TUSC3: variants seen among roughly 807,000 people sequenced by gnomAD.
TUSC3 encodes tumor suppressor candidate 3.
In TUSC3, 45 loss-of-function variants were observed where a neutral mutation model predicts 44.8. That is an observed-to-expected ratio of 1.00 (90% CI 0.79 to 1.29). The LOEUF is 1.29. TUSC3 is among the 50% of genes most tolerant of loss of function. TUSC3 has a pLI of 0.00. For synonymous variants in TUSC3, 212 were observed against 152.9 expected (o/e 1.39, Z -2.85); for missense variants, 519 against 437.9 (o/e 1.19, Z -1.65).
intron 6 of TUSC3, among the ~76,000 whole-genome samples, chr8:15,694,165 G>C: frequency 6.6e-6 from 1 of 152,036 alleles, no homozygotes; most frequent in South Asian, 2.1e-4. Flanking sequence ...CATGTTGGCC[G>C]GGCACAGTGG....
chr8:15,610,821 G>C (rs1469164865), intron 1 of TUSC3, among the ~76,000 whole-genome samples: 2 of 152,128 alleles, frequency 1.3e-5, no homozygotes, highest in Non-Finnish European at 2.9e-5. Flanking sequence ...AGCCACCAGT[G>C]TTCAGGATGC....
chr8:15,822,536 C>G, the TUSC3 span, among the ~76,000 whole-genome samples: 1 of 152,094 alleles, frequency 6.6e-6, no homozygotes, highest in East Asian at 1.9e-4. Flanking sequence ...GTTTCCAGGT[C>G]TTGCTGATGC....
At chr8:15,494,400 C>G (rs1167227656) in intron 2 of TUSC3, among the ~76,000 whole-genome samples, 1 of 151,662 alleles carries the variant, frequency 6.6e-6, no homozygotes, top group Non-Finnish European at 1.5e-5. Flanking sequence ...TCACTGCAGC[C>G]TCTGCCTCCC....
intron 9 of TUSC3, among the ~76,000 whole-genome samples, chr8:15,757,259 T>G (rs1462572400): frequency 6.6e-6 from 1 of 152,156 alleles, no homozygotes. Context: ...TTCCATTGTC[T>G]TAAAACGAAA....
At chr8:15,762,443 C>G (rs1421565527) in intron 10 of TUSC3, among the ~76,000 whole-genome samples, 1 of 151,962 alleles carries the variant, frequency 6.6e-6, no homozygotes, top group Non-Finnish European at 1.5e-5. Flanking sequence ...AAAGTACTCA[C>G]AGAGATCCTT....
the TUSC3 span, among the ~76,000 whole-genome samples, chr8:15,773,916 A>G: frequency 6.6e-6 from 1 of 152,210 alleles, no homozygotes; most frequent in Non-Finnish European, 1.5e-5. Context: ...TGGATCAACG[A>G]TGTAAACTTA....
In TUSC3 at chr8:15,561,359, G is replaced by A. The variant is rs1345543407; in HGVS notation, c.138+20791G>A. Among the ~76,000 whole-genome samples, 129 of 143,806 alleles carry A rather than the reference G, an allele frequency of 9.0e-4. 3 individuals are homozygous for A. The highest frequency in any genetic ancestry group is 3.4e-3 in the East Asian group (16 of 4,740). 94.3% of individuals were successfully genotyped at this position (143,806 alleles called of 152,430 possible). On this transcript the variant is annotated intron_variant, in intron 1 of 10. Transcript: ENST00000503731. The stretch of plus-strand genomic sequence containing the variant: ...ACCCACTTGAGGAGGCAGTCTGCCA[G>A]TTCTCAGATCTCCAGCTGCGTGCTG...
intron 1 of TUSC3, among the ~76,000 whole-genome samples, chr8:15,613,567 C>A (rs567484177): frequency 2.5e-4 from 38 of 152,212 alleles, no homozygotes; most frequent in African/African-American, 8.9e-4. Context: ...TAAGATGTCC[C>A]TTTGCTGTTC....
At chr8:15,446,909 A>AT (rs1800112485) in intron 1 of TUSC3, among the ~76,000 whole-genome samples, 1 of 51,634 alleles carries the variant, frequency 1.9e-5, no homozygotes, top group Non-Finnish European at 6.2e-5. Context: ...AGAAAAAAAA[A>AT]CAAAGGAGGT....
At chr8:15,844,994 C>A in the TUSC3 span, among the ~76,000 whole-genome samples, 1 of 151,984 alleles carries the variant, frequency 6.6e-6, no homozygotes, top group Non-Finnish European at 1.5e-5. Flanking sequence ...TAAAAAAATA[C>A]AATAGAAACA....
At chr8:15,711,003 T>C (rs979866778) in intron 6 of TUSC3, among the ~76,000 whole-genome samples, 1 of 151,328 alleles carries the variant, frequency 6.6e-6, no homozygotes, top group Non-Finnish European at 1.5e-5. Flanking sequence ...CCCTCAAGGG[T>C]TTCCTGAGTC....
chr8:15,646,641 T>C lies in TUSC3; in HGVS notation c.309-4056T>C, dbSNP rs80024950. Among the ~76,000 whole-genome samples the C allele has an allele frequency of 8.0e-3, 1,211 of 152,160 alleles. 10 individuals are homozygous for C. The highest frequency in any genetic ancestry group is 0.027 in the African/African-American group (1,126 of 41,556). ...TATTTAACCCTCTTAAAACATAATA[T>C]TTTAATCAAAACAATGTTATGTGCT... On this transcript the variant is annotated intron_variant, in intron 2 of 10. Transcript: ENST00000503731.
intron 1 of TUSC3, among the ~76,000 whole-genome samples, chr8:15,439,919 T>C (rs1799998514): frequency 6.6e-6 from 1 of 152,204 alleles, no homozygotes; most frequent in Non-Finnish European, 1.5e-5. Flanking sequence ...TTCTTACAAG[T>C]AATGCAACAG....
At chr8:15,497,676 C>T (rs112942229) in intron 2 of TUSC3, among the ~76,000 whole-genome samples, 2 of 152,144 alleles carry the variant, frequency 1.3e-5, no homozygotes, top group African/African-American at 4.8e-5. Flanking sequence ...TGTGTAATAG[C>T]TGGAAGGAAA....
intron 2 of TUSC3, among the ~76,000 whole-genome samples, chr8:15,487,067 A>G (rs1002227573): frequency 6.6e-5 from 10 of 152,194 alleles, no homozygotes; most frequent in Non-Finnish European, 1.3e-4. Flanking sequence ...CCCTTCTTCT[A>G]TGACAAACCG....
At chr8:15,848,226 T>C in the TUSC3 span, among the ~76,000 whole-genome samples, 1 of 152,206 alleles carries the variant, frequency 6.6e-6, no homozygotes, top group South Asian at 2.1e-4. Context: ...GCTTTCATCC[T>C]TCCCTGTGTA....
At chr8:15,684,420 T>A (rs79187908) in intron 6 of TUSC3, among the ~76,000 whole-genome samples, 2 of 152,146 alleles carry the variant, frequency 1.3e-5, no homozygotes, top group Non-Finnish European at 2.9e-5. Context: ...TGGTATATTT[T>A]CAGCCTGGCA....
chr8:15,625,897 T>G (rs923747944), intron 2 of TUSC3, among the ~76,000 whole-genome samples: 1 of 152,198 alleles, frequency 6.6e-6, no homozygotes, highest in African/African-American at 2.4e-5. Flanking sequence ...ACTATCAAAT[T>G]TGAGGACCAG....
the TUSC3 span, among the ~76,000 whole-genome samples, chr8:15,789,190 C>T: frequency 2.0e-5 from 3 of 152,180 alleles, no homozygotes; most frequent in Non-Finnish European, 4.4e-5. Context: ...TGCCACAGTG[C>T]ATTCCACCGA....
Sources: gnomAD v4.1 joint callset for allele counts (sites outside exome capture counted in the v4.1 genomes callset) on GRCh38, gnomAD v4.1.1 for gene constraint, MANE v1.5 for transcripts, NCBI Gene and HGNC (gene_info 2026-07-23, HGNC 2026-07-21) for gene names.